CDON: variants seen among roughly 807,000 people sequenced by gnomAD.
CDON encodes the protein cell adhesion molecule-related/down-regulated by oncogenes.
A neutral mutation model predicts 120.9 loss-of-function variants in CDON; 73 were observed. That is an observed-to-expected ratio of 0.60 (90% CI 0.50 to 0.73). CDON has a LOEUF of 0.73. Among genes scored for constraint, CDON ranks in the 30% least tolerant of loss-of-function variants. The pLI is 0.00. For synonymous variants in CDON, 566 were observed against 573.5 expected (o/e 0.99, Z 0.19); for missense variants, 1,470 against 1,587.3 (o/e 0.93, Z 1.26).
chr11:126,022,608 G>A (rs1034836255), intron 2 of CDON, among the ~76,000 whole-genome samples: 1 of 152,140 alleles, frequency 6.6e-6, no homozygotes, highest in Admixed American at 6.6e-5. Flanking sequence ...ATAAATTGCT[G>A]AATCTACTTC....
At chr11:125,968,433 A>T (rs1292865637) in intron 18 of CDON, among the ~76,000 whole-genome samples, 1 of 152,178 alleles carries the variant, frequency 6.6e-6, no homozygotes, top group African/African-American at 2.4e-5. Flanking sequence ...GCAGGACTGG[A>T]GGAGCGGGCG....
intron 8 of CDON, among the ~76,000 whole-genome samples, chr11:126,007,403 T>C (rs1041302288): frequency 6.6e-6 from 1 of 152,168 alleles, no homozygotes; most frequent in Non-Finnish European, 1.5e-5. Flanking sequence ...CTGAGACAAC[T>C]TCAAAATATT....
chr11:126,003,813 C>T (rs1947030777), intron 10 of CDON, 89 bp downstream of exon 10: 3 of 1,193,242 alleles, frequency 2.5e-6, no homozygotes, highest in South Asian at 2.5e-5. Flanking sequence ...GAGCAAGACT[C>T]CATCTCAAAA....
chr11:126,059,205 ATCAAAAGATCAT>A (rs1362788664), intron 1 of CDON, among the ~76,000 whole-genome samples: 3 of 152,252 alleles, frequency 2.0e-5, no homozygotes, highest in Non-Finnish European at 4.4e-5. Context: ...TTACATATTT[ATCAAAAGATCAT>A]TCAAAGAAAA....
chr11:126,015,617 G>A, intron 6 of CDON, 107 bp from the exon 7 acceptor site: 3 of 1,179,080 alleles, frequency 2.5e-6, no homozygotes, highest in Non-Finnish European at 3.7e-6. Flanking sequence ...TTGAAACAAA[G>A]TTGCATTGTT....
Position 126,034,867 on chromosome 11 carries a change from G to A in CDON, c.-61-11330C>T, listed in dbSNP as rs1414298399. On this transcript the variant is annotated intron_variant, in intron 1 of 19. Coordinates refer to ENST00000531738, the MANE Select transcript of CDON (RefSeq NM_001378964.1). The surrounding 1 kb of genome is among the most constrained non-coding windows in gnomAD (Gnocchi z 4.5). ...ATTGGCTTTATGGGAAAAAATAACC[G>A]TTATGGTAACCACAAAACAAATGCT... Among the ~76,000 whole-genome samples the A allele has an allele frequency of 6.6e-6, 1 of 152,300 alleles. No individual in the cohort carries two copies. The highest frequency in any genetic ancestry group is 1.5e-5 in the Non-Finnish European group (1 of 68,030).
chr11:126,039,766 C>G (rs527678500), intron 1 of CDON, among the ~76,000 whole-genome samples: 1 of 152,094 alleles, frequency 6.6e-6, no homozygotes, highest in Admixed American at 6.6e-5. Flanking sequence ...CTCAAAAAGA[C>G]CCAATGTGTC....
At position 125,960,977 on chromosome 11, in the gene CDON, G is replaced by T; in HGVS notation, c.3760C>A (p.Pro1254Thr). ...CGGGGCTGCTGAAGGACCTCTGTCG[G>T]GCTGTCTAAAGGAATGCCAGGTGGA... ...WSPPGIPLDSPTEVLQQPRET is the reference protein window; with the variant it reads ...WSPPGIPLDSTTEVLQQPRET Residue 1254 changes from proline (P) to threonine (T), a missense_variant, in exon 20 of 20, where the codon CCG (proline) becomes ACG (threonine). Pro to Thr is a conservative substitution (Grantham distance 38). Coordinates refer to ENST00000531738, the MANE Select transcript of CDON (RefSeq NM_001378964.1). 1 of 1,614,158 alleles carries T rather than the reference G, an allele frequency of 6.2e-7. No homozygotes were observed. The highest frequency in any genetic ancestry group is 8.5e-7 in the Non-Finnish European group (1 of 1,180,028).
chr11:126,030,624 AATCT>A (rs1173968959), intron 1 of CDON, among the ~76,000 whole-genome samples: 3 of 152,206 alleles, frequency 2.0e-5, no homozygotes, highest in Non-Finnish European at 2.9e-5. Flanking sequence ...ATTTTCAAAC[AATCT>A]ATCTCAAAAT....
At chr11:126,051,164 A>G (rs560489173) in intron 1 of CDON, among the ~76,000 whole-genome samples, 1 of 152,292 alleles carries the variant, frequency 6.6e-6, no homozygotes. Flanking sequence ...CTCTGATTCC[A>G]TGGCCAGCTG....
Position 126,017,288 on chromosome 11 carries a change from C to T in CDON, c.728G>A (p.Cys243Tyr). The change falls in exon 6 of 20, where the codon TGT (cysteine) becomes TAT (tyrosine). Residue 243 changes from cysteine to tyrosine, a missense_variant. Coordinates refer to ENST00000531738, the MANE Select transcript of CDON (RefSeq NM_001378964.1). ...VLSRSPVTLE[C>Y]VVSGVPAPQV... ...AGGAGCCGGGACCCCACTCACCACA[C>T]ACTCCAAGGTTACAGGGCTACGAGA... 6.2e-7 allele frequency: 1 copy of T among 1,614,178 alleles called. No individual in the cohort carries two copies. The highest frequency in any genetic ancestry group is 8.5e-7 in the Non-Finnish European group (1 of 1,180,032).
intron 15 of CDON, among the ~76,000 whole-genome samples, chr11:125,988,110 G>T (rs1333285008): frequency 6.6e-6 from 1 of 152,072 alleles, no homozygotes; most frequent in Non-Finnish European, 1.5e-5. Context: ...ATTTTGTTTG[G>T]GTGTCTACCT....
Position 125,981,952 on chromosome 11 carries a change from A to G in CDON, c.2996-623T>C, listed in dbSNP as rs993335132. 3.4e-5 allele frequency among the ~76,000 whole-genome samples: 5 copies of G among 145,206 alleles called. No homozygotes were observed. The South Asian group carries it at 8.7e-4, about 25-fold the overall frequency. ...TTGGAAGGTGTGGAGTACCAAAGGCAAAAAGTGATTCTATTTTCTTTTTTT... is the reference window on the plus strand; with the variant it reads ...TTGGAAGGTGTGGAGTACCAAAGGCGAAAAGTGATTCTATTTTCTTTTTTT... On this transcript the variant is annotated intron_variant, in intron 16 of 19. Coordinates refer to ENST00000531738, the MANE Select transcript of CDON (RefSeq NM_001378964.1).
chr11:125,969,936 T>C (rs2134378898), intron 18 of CDON, among the ~76,000 whole-genome samples: 1 of 152,334 alleles, frequency 6.6e-6, no homozygotes, highest in South Asian at 2.1e-4. Flanking sequence ...TCTGAAATAT[T>C]TTCTAGAATG....
chr11:125,983,227 GAAA>G (rs1398680023), intron 16 of CDON, among the ~76,000 whole-genome samples: 1 of 152,146 alleles, frequency 6.6e-6, no homozygotes, highest in Non-Finnish European at 1.5e-5. Context: ...GAGATAACAG[GAAA>G]AGTAGGACAG....
chr11:125,961,153 T>G (rs770218272), intron 19 of CDON, 48 bp from the exon 20 acceptor site: 19 of 1,563,574 alleles, frequency 1.2e-5, no homozygotes, highest in Middle Eastern at 1.7e-4. Context: ...TAAAGGCTGA[T>G]TTTTACAAAG....
chr11:125,984,010 C>G lies in CDON; in HGVS notation c.2857G>C (p.Gly953Arg). ...PNSLGSGGNV[G>R]PATSPARSSD... ...CTTCTGGCAGGGCTGGTTGCAGGCC[C>G]CACATTTCCTCCACTTCCCAAAGAA... The change falls in exon 16 of 20, where the codon GGG (glycine) becomes CGG (arginine). Residue 953 changes from glycine to arginine, a missense_variant. By Grantham distance (125) the Gly-to-Arg change is moderately radical. Transcript: ENST00000531738. The G allele has an allele frequency of 1.2e-6, 2 of 1,614,042 alleles. No homozygotes were observed. The highest frequency in any genetic ancestry group is 1.7e-6 in the Non-Finnish European group (2 of 1,179,972).
Position 126,021,782 on chromosome 11 carries a change from G to A in CDON, c.77-262C>T, listed in dbSNP as rs559598998. ...ACAAGAATGCTGATGATATAAATCA[G>A]ATACAATATCAATCCTATTAATAAG... On this transcript the variant is annotated intron_variant, in intron 2 of 19. Transcript: ENST00000531738. Among the ~76,000 whole-genome samples the A allele has an allele frequency of 6.6e-5, 10 of 152,200 alleles. No homozygotes were observed. The South Asian group carries it at 2.1e-3, about 32-fold the overall frequency.
chr11:126,028,139 T>C (rs897291331), intron 1 of CDON, among the ~76,000 whole-genome samples: 6 of 152,060 alleles, frequency 3.9e-5, no homozygotes, highest in East Asian at 1.9e-4. Flanking sequence ...TGAATACTCA[T>C]CCGAAAAAAG....
Sources: allele counts gnomAD v4.1 joint callset (sites outside exome capture counted in the v4.1 genomes callset), GRCh38; gene constraint gnomAD v4.1.1; non-coding constraint Gnocchi (gnomAD v3.1); transcripts MANE v1.5; gene names NCBI Gene and HGNC (gene_info 2026-07-23, HGNC 2026-07-21).